The following XCR1 variants were observed in gnomAD, a reference collection of about 807,000 sequenced individuals.
The protein encoded by XCR1 is X-C motif chemokine receptor 1, also known as chemokine XC receptor 1.
For synonymous variants in XCR1, 187 were observed against 188.5 expected, an observed-to-expected ratio of 0.99 and a Z score of 0.06; for missense variants, 356 against 424.2, an observed-to-expected ratio of 0.84 and a Z score of 1.41.
chr3:46,081,055 A>G (rs1283171785), intron 1 of XCR1, among the ~76,000 whole-genome samples: 2 of 152,178 alleles, frequency 1.3e-5, no homozygotes, highest in African/African-American at 4.8e-5. Context: ...CCAATGAGCC[A>G]TGGTCCAAGT....
Position 46,019,533 on chromosome 3 carries a change from C to T in XCR1, c.*1413G>A. The T allele has an allele frequency of 6.6e-6, 1 of 152,286 alleles. No individual in the cohort carries two copies. The highest frequency in any genetic ancestry group is 6.5e-5 in the Admixed American group (1 of 15,302). 9.4% of individuals were successfully genotyped at this position (152,286 alleles called of 1,614,324 possible). On this transcript the variant is annotated 3_prime_UTR_variant, in exon 2 of 2. Transcript: ENST00000309285. ...GATTAGGGAGGGCTTCCTGGAGAAGCTGGCCTGTCAGCTAGAACATGTTCC... is the reference window on the plus strand; with the variant it reads ...GATTAGGGAGGGCTTCCTGGAGAAGTTGGCCTGTCAGCTAGAACATGTTCC...
At chr3:46,055,643 C>T (rs545170192) in intron 4 of XCR1, among the ~76,000 whole-genome samples, 1 of 152,310 alleles carries the variant, frequency 6.6e-6, no homozygotes, top group East Asian at 1.9e-4. Flanking sequence ...TGCTGCAACC[C>T]GGTGTCTTGG....
At chr3:46,081,980 G>A (rs545855235) in intron 1 of XCR1, among the ~76,000 whole-genome samples, 1 of 152,192 alleles carries the variant, frequency 6.6e-6, no homozygotes, top group East Asian at 1.9e-4. Context: ...AAAGGATGTC[G>A]AATAAAAGAT....
intron 1 of XCR1, chr3:46,024,015 A>C: frequency 7.3e-7 from 1 of 1,363,934 alleles, no homozygotes; most frequent in Non-Finnish European, 1.0e-6. Flanking sequence ...CAGCCTCCTC[A>C]ACCTGGCAGA....
intron 5 of XCR1, among the ~76,000 whole-genome samples, chr3:46,038,318 G>A (rs545366180): frequency 3.3e-5 from 5 of 152,172 alleles, no homozygotes; most frequent in Admixed American, 2.6e-4. Context: ...GTGCCTGGCC[G>A]TGTGTGTGTT....
intron 3 of XCR1, among the ~76,000 whole-genome samples, chr3:46,074,453 G>C (rs995205203): frequency 6.6e-6 from 1 of 151,938 alleles, no homozygotes; most frequent in Non-Finnish European, 1.5e-5. Flanking sequence ...ATACACACTG[G>C]AGACTCAGAA....
upstream of XCR1, among the ~76,000 whole-genome samples, chr3:46,028,579 C>A (rs1708342299): frequency 6.6e-6 from 1 of 150,522 alleles, no homozygotes; most frequent in Non-Finnish European, 1.5e-5. Context: ...TGCTTTACAT[C>A]TTCTTTTTCT....
intron 1 of XCR1, among the ~76,000 whole-genome samples, chr3:46,078,178 C>T (rs1698294785): frequency 6.6e-6 from 1 of 152,168 alleles, no homozygotes; most frequent in South Asian, 2.1e-4. Context: ...AGCAGCTGGC[C>T]TCATGTTGGC....
chr3:46,055,159 A>G (rs1318151610), intron 4 of XCR1, among the ~76,000 whole-genome samples: 2 of 152,212 alleles, frequency 1.3e-5, no homozygotes, highest in African/African-American at 4.8e-5. Context: ...TGAAGCATTA[A>G]TCAGGGTACA....
intron 3 of XCR1, among the ~76,000 whole-genome samples, chr3:46,070,635 C>T (rs577853419): frequency 8.6e-5 from 13 of 151,330 alleles, no homozygotes; most frequent in Non-Finnish European, 1.9e-4. Context: ...TTTTTCCACC[C>T]CTTTACTTTC....
chr3:46,060,813 A>T (rs958984106), intron 4 of XCR1, among the ~76,000 whole-genome samples: 12 of 152,216 alleles, frequency 7.9e-5, no homozygotes, highest in Non-Finnish European at 1.3e-4. Context: ...ACGCTTCCCC[A>T]GTACTACAAG....
At chr3:46,053,800 C>T (rs556521770) in intron 5 of XCR1, among the ~76,000 whole-genome samples, 364 of 152,118 alleles carry the variant, frequency 2.4e-3, no homozygotes, top group African/African-American at 8.4e-3. Flanking sequence ...CTTTAAGCAA[C>T]TGCACATAAT....
chr3:46,066,348 G>C (rs925527192), intron 4 of XCR1, among the ~76,000 whole-genome samples: 2 of 152,104 alleles, frequency 1.3e-5, no homozygotes, highest in African/African-American at 4.8e-5. Context: ...GGGTTCAAGC[G>C]ATTCTCCTGC....
chr3:46,056,430 G>A (rs1039148781), intron 4 of XCR1, among the ~76,000 whole-genome samples: 24 of 151,622 alleles, frequency 1.6e-4, no homozygotes, highest in Non-Finnish European at 2.2e-4. Flanking sequence ...TTTAAAACTT[G>A]GGGGGATGGT....
chr3:46,076,587 A>T (rs1698265420), intron 2 of XCR1, among the ~76,000 whole-genome samples: 1 of 151,906 alleles, frequency 6.6e-6, no homozygotes, highest in South Asian at 2.1e-4. Flanking sequence ...GAAAAAAAAA[A>T]AAAAAATAGG....
At chr3:46,054,239 G>A (rs1697809059) in intron 4 of XCR1, among the ~76,000 whole-genome samples, 2 of 152,098 alleles carry the variant, frequency 1.3e-5, no homozygotes, top group Admixed American at 1.3e-4. Flanking sequence ...GTGGAAGAAG[G>A]GGTCAGCTGC....
At chr3:46,034,979 G>A (rs945339892) in intron 5 of XCR1, among the ~76,000 whole-genome samples, 1 of 151,748 alleles carries the variant, frequency 6.6e-6, no homozygotes. Flanking sequence ...CTTTTGAGAC[G>A]GAGTCTCACT....
intron 4 of XCR1, among the ~76,000 whole-genome samples, chr3:46,062,162 T>C (rs1477608007): frequency 2.0e-5 from 3 of 151,950 alleles, no homozygotes; most frequent in Admixed American, 6.5e-5. Context: ...CAGGAGAAAA[T>C]AGATGGTTTC....
At position 46,071,878 on chromosome 3, in the gene XCR1, G is replaced by A. The variant is rs190996175; in HGVS notation, c.-263+2773C>T. Among the ~76,000 whole-genome samples, 198 of 152,158 alleles carry A rather than the reference G, an allele frequency of 1.3e-3. 1 individual carries two copies. The highest frequency in any genetic ancestry group is 0.01 in the Middle Eastern group (3 of 292). On this transcript the variant is annotated intron_variant, in intron 3 of 5. Coordinates refer to the XCR1 transcript ENST00000683768. ...CATACTGAACGGTGGAAAGTTGAAA[G>A]CATTCCCTCCAAGAACTGGAACAAG... is the stretch of plus-strand genomic sequence containing the variant.
Sources: gnomAD v4.1 joint callset for allele counts (sites outside exome capture counted in the v4.1 genomes callset) on GRCh38, gnomAD v4.1.1 for gene constraint, MANE v1.5 for transcripts, NCBI Gene and HGNC (gene_info 2026-07-23, HGNC 2026-07-21) for gene names.